Variants in COL14A1 observed in about 807,000 individuals in gnomAD.
The protein encoded by COL14A1 is collagen type XIV alpha 1 chain, also known as collagen alpha-1(XIV) chain.
COL14A1 carries 136 observed loss-of-function variants against 230.3 expected under a neutral mutation model. The observed-to-expected ratio is 0.59, with a 90% confidence interval of 0.51 to 0.68. The LOEUF (loss-of-function observed/expected upper bound fraction) is 0.68, where lower values mean the gene tolerates loss of function less well. COL14A1 is among the 30% of genes least tolerant of loss of function. The pLI is 0.00. For missense variants in COL14A1, 1,976 were observed against 2,215.8 expected, an observed-to-expected ratio of 0.89 and a Z score of 2.17; for synonymous variants, 792 against 784.1, an observed-to-expected ratio of 1.01 and a Z score of -0.17.
intron 1 of COL14A1, among the ~76,000 whole-genome samples, chr8:120,138,570 A>C (rs1472842185): frequency 6.6e-6 from 1 of 152,214 alleles, no homozygotes; most frequent in Non-Finnish European, 1.5e-5. Context: ...GCTAACCACC[A>C]AACTAATAGG....
chr8:120,313,803 C>T, intron 37 of COL14A1, 129 bp from the exon 38 acceptor site: 3 of 597,780 alleles, frequency 5.0e-6, no homozygotes, highest in Non-Finnish European at 8.8e-6. Flanking sequence ...GTCTTGCTAT[C>T]CTGAGTATTT....
chr8:120,152,248 T>A (rs2130490710), intron 2 of COL14A1, among the ~76,000 whole-genome samples: 1 of 151,382 alleles, frequency 6.6e-6, no homozygotes, highest in East Asian at 1.9e-4. Context: ...GATCACGAGG[T>A]CAGGAAATCG....
In COL14A1 at chr8:120,225,131, C is replaced by T; in HGVS notation, c.1781C>T (p.Thr594Ile). ...PITTFPLKGL[T>I]PLTEYTIAIF... ...ACTACCTTCCCTCTGAAGGGCTTGA[C>T]ACCTCTCACAGAGTATACTATTGCT... Residue 594 changes from threonine to isoleucine, a missense_variant, in exon 15 of 48, where the codon ACA (threonine) becomes ATA (isoleucine). Around this residue, in one of 3 missense-constraint regions of COL14A1, gnomAD observed 1,791 missense variants for 2,019.5 expected, o/e 0.89. Coordinates refer to ENST00000297848, the MANE Select transcript of COL14A1 (RefSeq NM_021110.4). The T allele has an allele frequency of 1.2e-6, 2 of 1,612,684 alleles. No homozygotes were observed. Among genetic ancestry groups the T allele is most frequent in the Non-Finnish European group, 1.7e-6 (2 of 1,179,540 alleles).
intron 35 of COL14A1, among the ~76,000 whole-genome samples, 181 bp downstream of exon 35, chr8:120,297,769 A>G (rs1422854892): frequency 6.6e-6 from 1 of 152,060 alleles, no homozygotes; most frequent in African/African-American, 2.4e-5. Flanking sequence ...CTAGGATCAC[A>G]TACAGCGTGA....
intron 5 of COL14A1, among the ~76,000 whole-genome samples, chr8:120,181,444 C>T (rs1172585282): frequency 6.6e-6 from 1 of 152,154 alleles, no homozygotes; most frequent in East Asian, 1.9e-4. Context: ...AATGATGTAA[C>T]ACATACACTC....
At position 120,363,978 on chromosome 8, in the gene COL14A1, G is replaced by C. The variant is rs75920168; in HGVS notation, c.5078-3193G>C. On this transcript the variant is annotated intron_variant, in intron 45 of 47. Transcript: ENST00000297848. ...TCTTGAGTCTGTCATGGTTCTACCT[G>C]CTATGGTTATAGAGAAATTCTGAGT... Among the ~76,000 whole-genome samples the C allele has an allele frequency of 1.4e-3, 215 of 152,314 alleles. 3 individuals are homozygous for C. In the East Asian group the frequency reaches 0.039, roughly 27 times the overall value.
At chr8:120,292,959 G>A (rs1820417826) in intron 34 of COL14A1, among the ~76,000 whole-genome samples, 1 of 152,068 alleles carries the variant, frequency 6.6e-6, no homozygotes, top group African/African-American at 2.4e-5. Flanking sequence ...GGCAGTAACA[G>A]TCTCTACTGG....
At chr8:120,337,304 G>A (rs1251765496) in intron 42 of COL14A1, among the ~76,000 whole-genome samples, 1 of 150,248 alleles carries the variant, frequency 6.7e-6, no homozygotes, top group South Asian at 2.1e-4. Flanking sequence ...GCTGAAAGAC[G>A]AGAATCGCTT....
At chr8:120,310,457 T>C (rs534483034) in intron 37 of COL14A1, among the ~76,000 whole-genome samples, 1 of 152,334 alleles carries the variant, frequency 6.6e-6, no homozygotes, top group South Asian at 2.1e-4. Context: ...GGATTCCTCC[T>C]CCTCCACTGC....
At chr8:120,302,966 C>G (rs1168461358) in intron 36 of COL14A1, among the ~76,000 whole-genome samples, 1 of 152,026 alleles carries the variant, frequency 6.6e-6, no homozygotes, top group Admixed American at 6.6e-5. Context: ...TCCTAGTTAG[C>G]TGTATTCCTA....
chr8:120,139,125 A>G (rs1045206676), intron 1 of COL14A1, among the ~76,000 whole-genome samples: 4 of 152,178 alleles, frequency 2.6e-5, no homozygotes, highest in Non-Finnish European at 4.4e-5. Flanking sequence ...GAGCATCCCA[A>G]CTGATTAGAG....
chr8:120,137,178 A>G (rs1814743200), intron 1 of COL14A1, among the ~76,000 whole-genome samples: 1 of 151,910 alleles, frequency 6.6e-6, no homozygotes, highest in African/African-American at 2.4e-5. Context: ...CTATTTCTTC[A>G]TGTGTCTGTT....
Position 120,231,629 on chromosome 8 carries a change from A to G in COL14A1, c.2349+11A>G. ...GAAGTCATAGGAACGGTCTGTATAA[A>G]TTCAACTGACTAGAAACTCTGCAGA... On this transcript the variant is annotated intron_variant, in intron 19 of 47. Transcript: ENST00000297848. 1 of 1,610,944 alleles carries G rather than the reference A, an allele frequency of 6.2e-7. No homozygotes were observed. The highest frequency in any genetic ancestry group is 8.5e-7 in the Non-Finnish European group (1 of 1,178,926).
chr8:120,154,531 G>C (rs1162807218), intron 2 of COL14A1, among the ~76,000 whole-genome samples: 1 of 152,120 alleles, frequency 6.6e-6, no homozygotes, highest in Non-Finnish European at 1.5e-5. Flanking sequence ...TTCCCCCTCA[G>C]TCTCCCTTTG....
chr8:120,187,993 T>G (rs1226052292), intron 5 of COL14A1, among the ~76,000 whole-genome samples: 2 of 152,182 alleles, frequency 1.3e-5, no homozygotes, highest in Non-Finnish European at 2.9e-5. Context: ...TATGCCATCC[T>G]TTCTGACTGC....
chr8:120,172,076 T>G (rs1586736291), intron 5 of COL14A1, among the ~76,000 whole-genome samples: 1 of 152,168 alleles, frequency 6.6e-6, no homozygotes, highest in African/African-American at 2.4e-5. Flanking sequence ...CATTTTGATA[T>G]TTTAATCATG....
chr8:120,258,456 T>A (rs1819224916), intron 23 of COL14A1, among the ~76,000 whole-genome samples: 1 of 152,136 alleles, frequency 6.6e-6, no homozygotes, highest in Non-Finnish European at 1.5e-5. Context: ...TGGACCTGGT[T>A]GCCTTCCACC....
Position 120,196,728 on chromosome 8 carries a change from A to T in COL14A1, c.437-63A>T, listed in dbSNP as rs1025750223. 4 of 1,540,234 alleles carry T rather than the reference A, an allele frequency of 2.6e-6. No homozygotes were observed. In the East Asian group the frequency reaches 9.1e-5, roughly 35 times the overall value. On this transcript the variant is annotated intron_variant, in intron 5 of 47. Transcript: ENST00000297848. Reference sequence around the variant, plus strand: ...ACTAAGTTGTCTAAAAGACATTAAGATGGACTGTTTTTGAAGTTGCTCTGA... The same window carrying T: ...ACTAAGTTGTCTAAAAGACATTAAGTTGGACTGTTTTTGAAGTTGCTCTGA...
At chr8:120,366,236 T>G (rs369028559) in intron 45 of COL14A1, among the ~76,000 whole-genome samples, 1 of 152,258 alleles carries the variant, frequency 6.6e-6, no homozygotes, top group East Asian at 1.9e-4. Flanking sequence ...TTTAAAAAAT[T>G]GCAAGGCCTT....
Sources: gnomAD v4.1 joint callset for allele counts (sites outside exome capture counted in the v4.1 genomes callset) on GRCh38, gnomAD v4.1.1 for gene constraint, gnomAD v4.1.1 regional missense constraint, MANE v1.5 for transcripts, NCBI Gene and HGNC (gene_info 2026-07-23, HGNC 2026-07-21) for gene names.